HTR2C: variants seen among roughly 807,000 people sequenced by gnomAD.
HTR2C encodes the protein 5-hydroxytryptamine (serotonin) receptor 2C, G protein-coupled.
A neutral mutation model predicts 21.0 loss-of-function variants in HTR2C; 5 were observed. The ratio of observed to expected loss-of-function variants is 0.24; its 90% CI spans 0.12 to 0.50. The LOEUF (loss-of-function observed/expected upper bound fraction) is 0.50, where lower values mean the gene tolerates loss of function less well. HTR2C is among the 20% of genes least tolerant of loss of function. The pLI is 0.98. For synonymous variants in HTR2C, 150 were observed against 145.3 expected (o/e 1.03, Z -0.23); for missense variants, 271 against 371.2 (o/e 0.73, Z 2.22).
chrX:114,634,694 C>T (rs1485025857), intron 2 of HTR2C, among the ~76,000 whole-genome samples: 1 of 110,584 alleles, frequency 9.0e-6, no homozygotes, highest in Non-Finnish European at 1.9e-5. Context: ...GCCTGTTGTC[C>T]CAACTACTAG....
chrX:114,774,662 G>A (rs782182239), intron 4 of HTR2C, among the ~76,000 whole-genome samples: 14 of 112,079 alleles, frequency 1.2e-4, no homozygotes, highest in Non-Finnish European at 2.1e-4. Context: ...AAAGTGCAAT[G>A]TTATTTCCCT....
rs782412121 is a variant in HTR2C at position 114,724,151 on chromosome X, A to G, written c.-79-2707A>G. Among the ~76,000 whole-genome samples, 364 of 101,264 alleles carry G rather than the reference A, an allele frequency of 3.6e-3. 3 individuals carry two copies. Among genetic ancestry groups the G allele is most frequent in the African/African-American group, 0.012 (337 of 28,351 alleles). The allele number at this position is 101,264 out of a possible 115,157, so 87.9% of individuals were successfully genotyped here. On this transcript the variant is annotated intron_variant, in intron 2 of 5. Coordinates refer to ENST00000276198, the MANE Select transcript of HTR2C (RefSeq NM_000868.4). ...CTCCATTATTATTGTGTGGGAGTCT[A>G]AGTCTCTTTGTAGGTCACTCAAGAC...
chrX:114,657,242 A>C (rs1930814993), intron 2 of HTR2C, among the ~76,000 whole-genome samples: 1 of 110,958 alleles, frequency 9.0e-6, no homozygotes, highest in Admixed American at 9.6e-5. Flanking sequence ...ATAATGATGA[A>C]ATGGAACAAG....
intron 4 of HTR2C, among the ~76,000 whole-genome samples, chrX:114,744,992 A>C (rs1295772786): frequency 8.9e-6 from 1 of 112,148 alleles, no homozygotes; most frequent in Non-Finnish European, 1.9e-5. Context: ...TAAACTGTTT[A>C]AATAGCTTAA....
intron 2 of HTR2C, among the ~76,000 whole-genome samples, chrX:114,624,851 A>G (rs1556402520): frequency 8.9e-6 from 1 of 111,734 alleles, no homozygotes; most frequent in Non-Finnish European, 1.9e-5. Flanking sequence ...GCTCGGGGAA[A>G]GAAAGCCCTG....
intron 4 of HTR2C, among the ~76,000 whole-genome samples, 176 bp from the exon 5 acceptor site, chrX:114,847,827 G>A (rs782100121): frequency 1.8e-4 from 20 of 111,285 alleles, no homozygotes; most frequent in Admixed American, 8.6e-4. Context: ...TATATGTCAC[G>A]CTGAAGGTAT....
intron 5 of HTR2C, among the ~76,000 whole-genome samples, chrX:114,859,618 T>C (rs1297222020): frequency 9.0e-6 from 1 of 111,158 alleles, no homozygotes; most frequent in Non-Finnish European, 1.9e-5. Context: ...TTTATAATTT[T>C]TTTTTAACTT....
At chrX:114,767,468 C>G (rs1208539055) in intron 4 of HTR2C, among the ~76,000 whole-genome samples, 2 of 110,338 alleles carry the variant, frequency 1.8e-5, no homozygotes, top group Non-Finnish European at 3.8e-5. Context: ...TATTCATTTT[C>G]TATTTTACTT....
At chrX:114,756,014 G>A (rs1333838293) in intron 4 of HTR2C, among the ~76,000 whole-genome samples, 1 of 110,483 alleles carries the variant, frequency 9.1e-6, no homozygotes, top group African/African-American at 3.3e-5. Flanking sequence ...GGGAGGCTGA[G>A]GCAGGAGGAT....
At chrX:114,879,773 CT>C in intron 5 of HTR2C, among the ~76,000 whole-genome samples, 1 of 111,083 alleles carries the variant, frequency 9.0e-6, no homozygotes. Context: ...TAATTTGTTC[CT>C]TTTTATGGCT....
At position 114,785,330 on chromosome X, in the gene HTR2C, G is replaced by T. The variant is rs782619888; in HGVS notation, c.349+53723G>T. Among the ~76,000 whole-genome samples, 20 of 111,941 alleles carry T rather than the reference G, an allele frequency of 1.8e-4. No individual in the cohort carries two copies. The South Asian group carries it at 7.0e-3, about 39-fold the overall frequency. Reference sequence around the variant, plus strand: ...TTAGTGAGAAAAAAATACAAGAGTAGCTCAGTTATCAACATACATGCAAAA... The same window carrying T: ...TTAGTGAGAAAAAAATACAAGAGTATCTCAGTTATCAACATACATGCAAAA... On this transcript the variant is annotated intron_variant, in intron 4 of 5. Transcript: ENST00000276198.
chrX:114,725,890 A>G (rs1373987536), intron 2 of HTR2C, among the ~76,000 whole-genome samples: 16 of 108,666 alleles, frequency 1.5e-4, no homozygotes, highest in African/African-American at 4.3e-4. Context: ...CTCCAGCTGC[A>G]TGCTGGGAGA....
At chrX:114,882,420 C>G (rs1028764464) in intron 5 of HTR2C, among the ~76,000 whole-genome samples, 1 of 110,583 alleles carries the variant, frequency 9.0e-6, no homozygotes, top group East Asian at 2.8e-4. Context: ...TGACTTGCTC[C>G]TTATCTTACG....
chrX:114,658,995 A>G (rs1322182798), intron 2 of HTR2C, among the ~76,000 whole-genome samples: 1 of 111,896 alleles, frequency 8.9e-6, no homozygotes, highest in African/African-American at 3.2e-5. Context: ...GAGAGGTTTA[A>G]TTGACTCAGT....
intron 5 of HTR2C, among the ~76,000 whole-genome samples, chrX:114,885,308 A>G (rs2071212578): frequency 9.0e-6 from 1 of 111,518 alleles, no homozygotes; most frequent in Admixed American, 9.6e-5. Flanking sequence ...ACAATTGCCT[A>G]CAGTATTCAG....
chrX:114,752,869 T>C (rs2069774317), intron 4 of HTR2C, among the ~76,000 whole-genome samples: 1 of 110,901 alleles, frequency 9.0e-6, no homozygotes, highest in Non-Finnish European at 1.9e-5. Context: ...CAATTAGATC[T>C]TCTAGGCTCA....
chrX:114,891,177 C>A (rs1275680415), intron 5 of HTR2C, among the ~76,000 whole-genome samples: 10 of 110,779 alleles, frequency 9.0e-5, no homozygotes, highest in African/African-American at 3.3e-4. Context: ...ATATTGTTGT[C>A]TTTCCTGTCA....
At chrX:114,840,838 T>C (rs1472095406) in intron 4 of HTR2C, among the ~76,000 whole-genome samples, 6 of 111,637 alleles carry the variant, frequency 5.4e-5, no homozygotes, top group Non-Finnish European at 1.9e-5. Flanking sequence ...ATCTAAGAAC[T>C]TGTTATATAC....
At chrX:114,627,530 AG>A (rs782489442) in intron 2 of HTR2C, among the ~76,000 whole-genome samples, 4 of 111,548 alleles carry the variant, frequency 3.6e-5, no homozygotes, top group African/African-American at 1.3e-4. Context: ...ATAAAGAAAA[AG>A]AACAGTGTGC....
Sources: gnomAD v4.1 joint callset for allele counts (sites outside exome capture counted in the v4.1 genomes callset) on GRCh38, gnomAD v4.1.1 for gene constraint, MANE v1.5 for transcripts, NCBI Gene and HGNC (gene_info 2026-07-23, HGNC 2026-07-21) for gene names.